Variants in KCNU1 observed in about 807,000 individuals in gnomAD.
The protein encoded by KCNU1 is potassium channel subfamily U member 1.
A neutral mutation model predicts 126.8 loss-of-function variants in KCNU1; 93 were observed. The ratio of observed to expected loss-of-function variants is 0.73; its 90% CI spans 0.62 to 0.87. The LOEUF is 0.87. KCNU1 is among the 40% of genes least tolerant of loss of function. The pLI is 0.00. For missense variants in KCNU1, 1,330 were observed against 1,367.1 expected (o/e 0.97, Z 0.43); for synonymous variants, 523 against 494.2 (o/e 1.06, Z -0.77).
At chr8:36,834,444 C>T (rs1804672841) in intron 11 of KCNU1, among the ~76,000 whole-genome samples, 1 of 152,186 alleles carries the variant, frequency 6.6e-6, no homozygotes. Context: ...AGTAAATACA[C>T]AGACGGTTGC....
chr8:36,846,805 A>AAC (rs994411169), intron 18 of KCNU1, among the ~76,000 whole-genome samples: 1 of 151,796 alleles, frequency 6.6e-6, no homozygotes. Flanking sequence ...AAAAAAAAAA[A>AAC]ACTTAGCCTT....
chr8:36,834,192 T>C (rs1180570577), intron 11 of KCNU1, among the ~76,000 whole-genome samples: 1 of 152,244 alleles, frequency 6.6e-6, no homozygotes, highest in African/African-American at 2.4e-5. Flanking sequence ...CTTCCTGTCA[T>C]GTTCTCAGTC....
intron 11 of KCNU1, among the ~76,000 whole-genome samples, chr8:36,834,129 AT>A (rs2130548282): frequency 6.6e-6 from 1 of 152,348 alleles, no homozygotes; most frequent in Admixed American, 6.5e-5. Flanking sequence ...GTGACGCAAA[AT>A]AATGAGCAAC....
chr8:36,915,649 A>G lies in KCNU1; in HGVS notation c.2522-3174A>G, dbSNP rs115654550. ...GATTCTCCCCTCCTTCACCCTGTTC[A>G]CACTGGCTATTTCCCACCATGGGTT... On this transcript the variant is annotated intron_variant, in intron 22 of 26. Coordinates refer to ENST00000399881, the MANE Select transcript of KCNU1 (RefSeq NM_001031836.3). Among the ~76,000 whole-genome samples, 667 of 152,324 alleles carry G rather than the reference A, an allele frequency of 4.4e-3. 8 individuals are homozygous for G. Among genetic ancestry groups the G allele is most frequent in the African/African-American group, 0.015 (628 of 41,574 alleles).
intron 18 of KCNU1, among the ~76,000 whole-genome samples, chr8:36,850,759 T>C (rs1466993714): frequency 6.6e-6 from 1 of 152,182 alleles, no homozygotes; most frequent in East Asian, 1.9e-4. Flanking sequence ...GCCCAGCCTC[T>C]ATGATCTATT....
rs1480127315 is a variant in KCNU1, at chr8:36,889,186, A to C, written c.2010-16522A>C. On this transcript the variant is annotated intron_variant, in intron 19 of 26. Coordinates refer to ENST00000399881, the MANE Select transcript of KCNU1 (RefSeq NM_001031836.3). ...GAGCCATATGCCCAGCAAAACTACCAGTTCTTTATTGGTGAAAACCTAAAT... is the reference window on the plus strand; with the variant it reads ...GAGCCATATGCCCAGCAAAACTACCCGTTCTTTATTGGTGAAAACCTAAAT... 1.5e-5 allele frequency: 8 copies of C among 534,394 alleles called. No individual in the cohort carries two copies. The Admixed American group carries it at 1.6e-4, about 10-fold the overall frequency. The allele number at this position is 534,394 out of a possible 1,614,324, so 33.1% of individuals were successfully genotyped here.
intron 19 of KCNU1, among the ~76,000 whole-genome samples, chr8:36,885,482 GAGA>G (rs1169868642): frequency 6.6e-6 from 1 of 152,104 alleles, no homozygotes; most frequent in East Asian, 1.9e-4. Context: ...TTAAAGCCAG[GAGA>G]AGGAGGTTGC....
intron 10 of KCNU1, among the ~76,000 whole-genome samples, chr8:36,832,096 C>T (rs996495589): frequency 6.6e-6 from 1 of 152,156 alleles, no homozygotes; most frequent in African/African-American, 2.4e-5. Flanking sequence ...TTTCTGAGGG[C>T]TCTGTTCTGT....
intron 19 of KCNU1, among the ~76,000 whole-genome samples, chr8:36,899,654 C>T (rs566412664): frequency 6.6e-6 from 1 of 152,090 alleles, no homozygotes; most frequent in Non-Finnish European, 1.5e-5. Context: ...TTGAAGAATA[C>T]ATAGCCTGTT....
At chr8:36,827,395 T>C (rs984029319) in intron 10 of KCNU1, among the ~76,000 whole-genome samples, 1 of 152,206 alleles carries the variant, frequency 6.6e-6, no homozygotes, top group African/African-American at 2.4e-5. Context: ...CACTTTTTTG[T>C]CCTTTGACTT....
At chr8:36,934,605 T>G (rs1294352187) in intron 26 of KCNU1, among the ~76,000 whole-genome samples, 1 of 152,154 alleles carries the variant, frequency 6.6e-6, no homozygotes, top group Non-Finnish European at 1.5e-5. Context: ...TGTGATCTTG[T>G]TCAGCTGATG....
At chr8:36,817,402 G>C (rs1803954586) in intron 9 of KCNU1, among the ~76,000 whole-genome samples, 1 of 150,676 alleles carries the variant, frequency 6.6e-6, no homozygotes, top group African/African-American at 2.4e-5. Context: ...GGGAGGCTGA[G>C]GCAGGAGAAT....
intron 10 of KCNU1, among the ~76,000 whole-genome samples, chr8:36,818,311 A>G (rs1475296912): frequency 1.3e-5 from 2 of 152,154 alleles, no homozygotes; most frequent in Non-Finnish European, 1.5e-5. Flanking sequence ...AAGATTGACT[A>G]ATTTTCTATG....
intron 19 of KCNU1, among the ~76,000 whole-genome samples, chr8:36,876,956 C>T (rs146744692): frequency 3.2e-4 from 49 of 152,168 alleles, no homozygotes; most frequent in African/African-American, 1.1e-3. Flanking sequence ...AGAGAAGAAA[C>T]GGAGAAGTAG....
intron 1 of KCNU1, among the ~76,000 whole-genome samples, chr8:36,786,320 A>C (rs899586168): frequency 6.6e-6 from 1 of 152,318 alleles, no homozygotes; most frequent in African/African-American, 2.4e-5. Context: ...ATTCTATATT[A>C]ATGTCATACC....
At chr8:36,916,573 A>G (rs879821666) in intron 22 of KCNU1, among the ~76,000 whole-genome samples, 7 of 152,194 alleles carry the variant, frequency 4.6e-5, no homozygotes, top group Non-Finnish European at 8.8e-5. Flanking sequence ...GTCTTCCTGC[A>G]TTATGGAAAT....
chr8:36,871,499 T>C (rs950572493), intron 19 of KCNU1, among the ~76,000 whole-genome samples: 3 of 152,144 alleles, frequency 2.0e-5, no homozygotes, highest in African/African-American at 7.2e-5. Context: ...TTATTGTTAT[T>C]GCTTAAAAAT....
chr8:36,827,309 C>T (rs763163878), intron 10 of KCNU1, among the ~76,000 whole-genome samples: 1 of 152,170 alleles, frequency 6.6e-6, no homozygotes, highest in Non-Finnish European at 1.5e-5. Context: ...TTCTTCTTTG[C>T]TTCTATGCTT....
chr8:36,857,492 A>G (rs1034764515), intron 18 of KCNU1, among the ~76,000 whole-genome samples: 5 of 152,162 alleles, frequency 3.3e-5, no homozygotes, highest in Non-Finnish European at 5.9e-5. Flanking sequence ...ATCACACCCA[A>G]CTGGGTTTGG....
Sources: allele counts gnomAD v4.1 joint callset (sites outside exome capture counted in the v4.1 genomes callset), GRCh38; gene constraint gnomAD v4.1.1; transcripts MANE v1.5; gene names NCBI Gene and HGNC (gene_info 2026-07-23, HGNC 2026-07-21).